PLCH1: variants seen among roughly 807,000 people sequenced by gnomAD.
PLCH1 encodes the protein phospholipase C eta 1.
In PLCH1, 60 loss-of-function variants were observed where a neutral mutation model predicts 126.7. The observed-to-expected ratio is 0.47, with a 90% CI of 0.38 to 0.59. The LOEUF (loss-of-function observed/expected upper bound fraction) is 0.59. Among genes scored for constraint, PLCH1 ranks in the 20% least tolerant of loss-of-function variants. The probability of loss-of-function intolerance (pLI) is 0.00; values close to 1 mark genes in which losing one functional copy is unlikely to be tolerated. For missense variants in PLCH1, 1,723 were observed against 2,040.0 expected (o/e 0.84, Z 2.99); for synonymous variants, 719 against 734.9 (o/e 0.98, Z 0.35).
In PLCH1 at chr3:155,603,662, C is replaced by T. The variant is rs142276827; in HGVS notation, c.80-7284G>A. Among the ~76,000 whole-genome samples the T allele has an allele frequency of 7.2e-3, 1,092 of 152,206 alleles. 7 individuals are homozygous for T. The highest frequency in any genetic ancestry group is 0.021 in the South Asian group (99 of 4,824). On this transcript the variant is annotated intron_variant, in intron 2 of 22. Coordinates refer to ENST00000460012, the MANE Select transcript of PLCH1 (RefSeq NM_014996.4). ...GTTTATAAAACAGCTGATCTAGCTT[C>T]CATAAATGTTATTTTATCTTTCAAT...
At chr3:155,673,646 C>T (rs1041853439) in intron 2 of PLCH1, among the ~76,000 whole-genome samples, 10 of 152,260 alleles carry the variant, frequency 6.6e-5, no homozygotes, top group African/African-American at 1.9e-4. Flanking sequence ...ATCTGTTACA[C>T]GTCTTCAAGA....
At chr3:155,570,917 T>C (rs969181059) in intron 6 of PLCH1, among the ~76,000 whole-genome samples, 1 of 152,210 alleles carries the variant, frequency 6.6e-6, no homozygotes, top group African/African-American at 2.4e-5. Flanking sequence ...ACTTATTTTA[T>C]TATTCAAGAT....
At chr3:155,538,352 A>G (rs1723728577) in intron 10 of PLCH1, among the ~76,000 whole-genome samples, 1 of 152,168 alleles carries the variant, frequency 6.6e-6, no homozygotes, top group Non-Finnish European at 1.5e-5. Flanking sequence ...AGAAACAAAA[A>G]CAAGCCAACC....
chr3:155,653,431 T>C (rs1741001822), intron 2 of PLCH1, among the ~76,000 whole-genome samples: 1 of 152,198 alleles, frequency 6.6e-6, no homozygotes. Flanking sequence ...CCAAATGCCT[T>C]CCTTATGGCC....
At position 155,482,197 on chromosome 3, in the gene PLCH1, T is replaced by A; in HGVS notation, c.3829A>T (p.Thr1277Ser). 6.2e-7 allele frequency: 1 copy of A among 1,614,128 alleles called. No individual in the cohort carries two copies. The highest frequency in any genetic ancestry group is 8.5e-7 in the Non-Finnish European group (1 of 1,180,010). The change falls in exon 23 of 23, where the codon ACC (threonine) becomes TCC (serine). Residue 1277 changes from threonine to serine, a missense_variant. Coordinates refer to ENST00000460012, the MANE Select transcript of PLCH1 (RefSeq NM_014996.4). ...YETTCTPISKTKPDDDLSSKA... is the reference protein window; with the variant it reads ...YETTCTPISKSKPDDDLSSKA... ...CTAGAAAGGTCATCATCTGGTTTGGTTTTAGAGATGGGAGTGCAGGTAGTT... is the reference window on the plus strand; with the variant it reads ...CTAGAAAGGTCATCATCTGGTTTGGATTTAGAGATGGGAGTGCAGGTAGTT...
intron 2 of PLCH1, among the ~76,000 whole-genome samples, chr3:155,673,571 A>G (rs1334207066): frequency 6.6e-6 from 1 of 152,192 alleles, no homozygotes; most frequent in Non-Finnish European, 1.5e-5. Flanking sequence ...AAAAATCTGT[A>G]TGACTGAGAA....
Position 155,481,186 on chromosome 3 carries a change from G to A in PLCH1, c.4840C>T (p.Pro1614Ser), listed in dbSNP as rs763945306. 8.7e-6 allele frequency: 14 copies of A among 1,614,098 alleles called. No individual in the cohort carries two copies. Among genetic ancestry groups the A allele is most frequent in the African/African-American group, 1.3e-5 (1 of 74,936 alleles). The change falls in exon 23 of 23, where the codon CCC becomes TCC. Residue 1614 changes from proline to serine, a missense_variant. By Grantham distance (74) the Pro-to-Ser change is moderately conservative. This residue lies in a region of PLCH1 where 947 missense variants were observed against 977.1 expected (regional missense o/e 0.97). Transcript: ENST00000460012. The surrounding 1 kb of genome is among the most constrained non-coding windows in gnomAD (Gnocchi z 4.2). Reference sequence around the variant, plus strand: ...GAGTGGCGATTCACTGCAGGGGTGGGTGCTGAGGGTTTGTTTCTAAGAACC... The same window carrying A: ...GAGTGGCGATTCACTGCAGGGGTGGATGCTGAGGGTTTGTTTCTAAGAACC... ...GVVLRNKPSAPTPAVNRHSTG... is the reference protein window; with the variant it reads ...GVVLRNKPSASTPAVNRHSTG...
intron 2 of PLCH1, among the ~76,000 whole-genome samples, chr3:155,597,610 C>T (rs1319002753): frequency 6.6e-6 from 1 of 152,172 alleles, no homozygotes; most frequent in Non-Finnish European, 1.5e-5. Flanking sequence ...ACCTCAGCAA[C>T]ATTAGACTTC....
At chr3:155,675,058 A>T (rs1231916109) in intron 2 of PLCH1, among the ~76,000 whole-genome samples, 1 of 152,076 alleles carries the variant, frequency 6.6e-6, no homozygotes, top group Non-Finnish European at 1.5e-5. Flanking sequence ...GGCTTAGAAA[A>T]CTCAGGTATA....
At chr3:155,653,352 C>G (rs989670223) in intron 2 of PLCH1, among the ~76,000 whole-genome samples, 6 of 152,122 alleles carry the variant, frequency 3.9e-5, no homozygotes, top group Admixed American at 2.0e-4. Context: ...TTGTTTTCTT[C>G]CCTTCCTCTG....
chr3:155,570,180 C>T lies in PLCH1; in HGVS notation c.772-1856G>A, dbSNP rs565495644. Among the ~76,000 whole-genome samples, 49 of 152,292 alleles carry T rather than the reference C, an allele frequency of 3.2e-4. 1 individual carries two copies. The South Asian group carries it at 3.7e-3, about 12-fold the overall frequency. ...ATCGACTCCCAACCTTCCCCATCCC[C>T]TGATCTCATTTAATTAATCTCCCAA... On this transcript the variant is annotated intron_variant, in intron 6 of 22. Coordinates refer to ENST00000460012, the MANE Select transcript of PLCH1 (RefSeq NM_014996.4).
intron 2 of PLCH1, among the ~76,000 whole-genome samples, chr3:155,612,398 A>C (rs1735222498): frequency 6.6e-6 from 1 of 151,870 alleles, no homozygotes; most frequent in Non-Finnish European, 1.5e-5. Context: ...CTGAAAGAGG[A>C]CAAAAAGACA....
chr3:155,589,316 A>G (rs1731795963), intron 4 of PLCH1, among the ~76,000 whole-genome samples: 1 of 152,174 alleles, frequency 6.6e-6, no homozygotes, highest in South Asian at 2.1e-4. Flanking sequence ...ATGAATGAAC[A>G]CGGTTGTGTT....
At chr3:155,658,099 T>G (rs1448746787) in intron 2 of PLCH1, 3 of 216,646 alleles carry the variant, frequency 1.4e-5, no homozygotes, top group African/African-American at 6.9e-5. Context: ...GGTTAAACTC[T>G]GCAAAATGCA....
chr3:155,526,462 CTT>C (rs1191137535), intron 10 of PLCH1, among the ~76,000 whole-genome samples: 3 of 140,808 alleles, frequency 2.1e-5, no homozygotes, highest in Non-Finnish European at 4.6e-5. Flanking sequence ...TCTCTTCTCT[CTT>C]TCTCTCTTCT....
chr3:155,668,014 G>A (rs962539648), intron 2 of PLCH1, among the ~76,000 whole-genome samples: 8 of 149,428 alleles, frequency 5.4e-5, no homozygotes, highest in African/African-American at 2.0e-4. Context: ...GAACCCAGGA[G>A]GCAGAGCTTG....
At chr3:155,707,675 C>T (rs562983916) in intron 1 of PLCH1, among the ~76,000 whole-genome samples, 10 of 144,100 alleles carry the variant, frequency 6.9e-5, no homozygotes, top group East Asian at 2.1e-4. Context: ...AAAAAAAAAA[C>T]GGTGAAAGAT....
At chr3:155,546,127 A>T (rs925223031) in intron 10 of PLCH1, among the ~76,000 whole-genome samples, 19 of 152,204 alleles carry the variant, frequency 1.2e-4, no homozygotes, top group African/African-American at 4.3e-4. Context: ...ATGTTTGTAT[A>T]TCTAGAAAAC....
At chr3:155,619,575 A>T (rs1415188458) in intron 2 of PLCH1, among the ~76,000 whole-genome samples, 1 of 152,046 alleles carries the variant, frequency 6.6e-6, no homozygotes, top group Non-Finnish European at 1.5e-5. Context: ...GAGAGTTCCA[A>T]ATCCCCTGTT....
Sources: gnomAD v4.1 joint callset for allele counts (sites outside exome capture counted in the v4.1 genomes callset) on GRCh38, gnomAD v4.1.1 for gene constraint, gnomAD v4.1.1 regional missense constraint, Gnocchi (gnomAD v3.1) non-coding constraint, MANE v1.5 for transcripts, NCBI Gene and HGNC (gene_info 2026-07-23, HGNC 2026-07-21) for gene names.